BMPR1B: variants seen among roughly 807,000 people sequenced by gnomAD.
BMPR1B encodes the protein bone morphogenetic protein receptor type 1B.
A neutral mutation model predicts 59.1 loss-of-function variants in BMPR1B; 12 were observed. The observed-to-expected ratio is 0.20, with a 90% confidence interval of 0.13 to 0.33. BMPR1B has a LOEUF of 0.33. Ranked by LOEUF, BMPR1B falls within the 10% of genes least tolerant of loss-of-function variation. The probability of loss-of-function intolerance (pLI) is 1.00; values close to 1 mark genes in which losing one functional copy is unlikely to be tolerated. For synonymous variants in BMPR1B, 237 were observed against 207.3 expected, an observed-to-expected ratio of 1.14 and a Z score of -1.23; for missense variants, 550 against 610.9, an observed-to-expected ratio of 0.90 and a Z score of 1.05.
At chr4:94,955,637 C>CTTCTTTTT (rs1553921395) in intron 2 of BMPR1B, among the ~76,000 whole-genome samples, 4 of 148,232 alleles carry the variant, frequency 2.7e-5, no homozygotes, top group Non-Finnish European at 5.9e-5. Context: ...ACATTTAATT[C>CTTCTTTTT]TTTTTTTTTA....
chr4:94,946,975 C>A (rs533745366), intron 2 of BMPR1B, among the ~76,000 whole-genome samples: 1 of 151,982 alleles, frequency 6.6e-6, no homozygotes, highest in Non-Finnish European at 1.5e-5. Context: ...TCGCCTGAAC[C>A]GGGGAGGCAG....
rs747757463 is a variant in BMPR1B at position 95,157,533 on chromosome 4, C to T, written c.*2860C>T. Reference sequence around the variant, plus strand: ...CTAAGAAGAGTTTCTTCTAACCCCTCCCTCTCAAAGGAATCCTAAATTATT... The same window carrying T: ...CTAAGAAGAGTTTCTTCTAACCCCTTCCTCTCAAAGGAATCCTAAATTATT... On this transcript the variant is annotated 3_prime_UTR_variant, in exon 13 of 13. Coordinates refer to ENST00000515059, the MANE Select transcript of BMPR1B (RefSeq NM_001203.3). 3.3e-5 allele frequency: 5 copies of T among 151,858 alleles called. No homozygotes were observed. The highest frequency in any genetic ancestry group is 3.3e-4 in the Admixed American group (5 of 15,228). The allele number at this position is 151,858 out of a possible 1,614,324, so 9.4% of individuals were successfully genotyped here.
intron 10 of BMPR1B, among the ~76,000 whole-genome samples, chr4:95,132,902 C>G (rs1406706974): frequency 6.6e-6 from 1 of 152,152 alleles, no homozygotes. Context: ...AGTGTCCAAA[C>G]CTTTCTTTCT....
chr4:95,111,634 A>G (rs1177525680), intron 4 of BMPR1B, among the ~76,000 whole-genome samples: 7 of 152,208 alleles, frequency 4.6e-5, no homozygotes, highest in Non-Finnish European at 7.4e-5. Flanking sequence ...TAAAAAGAGT[A>G]TCGCTTGGTC....
At chr4:94,993,622 A>G (rs1199167973) in intron 2 of BMPR1B, among the ~76,000 whole-genome samples, 1 of 151,898 alleles carries the variant, frequency 6.6e-6, no homozygotes, top group Admixed American at 6.6e-5. Context: ...TTAGTCAGGT[A>G]TGGTGGCACA....
At chr4:94,840,821 T>G (rs1725029217) in intron 1 of BMPR1B, among the ~76,000 whole-genome samples, 1 of 148,694 alleles carries the variant, frequency 6.7e-6, no homozygotes, top group African/African-American at 2.5e-5. Context: ...TGCGTTCCTT[T>G]GGAGGAGGAG....
At chr4:94,874,137 G>T (rs1726618941) in intron 1 of BMPR1B, among the ~76,000 whole-genome samples, 1 of 152,042 alleles carries the variant, frequency 6.6e-6, no homozygotes, top group Non-Finnish European at 1.5e-5. Flanking sequence ...ATATATATGT[G>T]TGTATATATA....
chr4:94,994,078 T>C (rs1395966811), intron 2 of BMPR1B, among the ~76,000 whole-genome samples: 1 of 152,220 alleles, frequency 6.6e-6, no homozygotes, highest in Admixed American at 6.5e-5. Flanking sequence ...GGTGAAAATT[T>C]GTATATGTCA....
At chr4:95,022,216 T>C (rs1034373598) in intron 3 of BMPR1B, among the ~76,000 whole-genome samples, 1 of 152,160 alleles carries the variant, frequency 6.6e-6, no homozygotes, top group African/African-American at 2.4e-5. Context: ...CACCATATGG[T>C]TTTTAAAGGC....
At chr4:95,134,671 G>A (rs1482266171) in intron 10 of BMPR1B, among the ~76,000 whole-genome samples, 2 of 152,140 alleles carry the variant, frequency 1.3e-5, no homozygotes, top group African/African-American at 4.8e-5. Flanking sequence ...GTCTTCTTTT[G>A]AGAAGTGTCT....
chr4:95,129,835 C>A, intron 8 of BMPR1B, 27 bp from the exon 9 acceptor site: 1 of 1,609,480 alleles, frequency 6.2e-7, no homozygotes, highest in Non-Finnish European at 8.5e-7. Flanking sequence ...TGTGAATACA[C>A]TAACAGTGTG....
intron 3 of BMPR1B, among the ~76,000 whole-genome samples, chr4:95,076,442 G>A (rs1283243772): frequency 6.6e-6 from 1 of 152,080 alleles, no homozygotes; most frequent in Non-Finnish European, 1.5e-5. Context: ...GCATATGTGA[G>A]CCAGTTAACA....
intron 3 of BMPR1B, among the ~76,000 whole-genome samples, chr4:95,049,419 G>GTTTTTTTTTTTT (rs761496965): frequency 1.3e-5 from 1 of 77,402 alleles, no homozygotes; most frequent in African/African-American, 5.2e-5. Context: ...CAGCATAAAA[G>GTTTTTTTTTTTT]TTTTTTTTTT....
intron 2 of BMPR1B, among the ~76,000 whole-genome samples, chr4:94,914,185 A>G (rs1728393146): frequency 6.6e-6 from 1 of 152,112 alleles, no homozygotes; most frequent in South Asian, 2.1e-4. Flanking sequence ...GGATCTGGCA[A>G]TTGTTTTGAA....
chr4:94,846,396 A>C (rs1375954300), intron 1 of BMPR1B, among the ~76,000 whole-genome samples: 3 of 152,140 alleles, frequency 2.0e-5, no homozygotes, highest in Non-Finnish European at 4.4e-5. Context: ...GTTAAAGGAG[A>C]TTAACATTTG....
At chr4:94,884,288 G>A (rs1481238969) in intron 2 of BMPR1B, among the ~76,000 whole-genome samples, 1 of 152,204 alleles carries the variant, frequency 6.6e-6, no homozygotes, top group African/African-American at 2.4e-5. Flanking sequence ...CACTTTGGGA[G>A]GCTGAGATGA....
intron 6 of BMPR1B, among the ~76,000 whole-genome samples, chr4:95,117,232 A>G (rs1206649709): frequency 1.3e-5 from 2 of 152,228 alleles, no homozygotes; most frequent in Admixed American, 1.3e-4. Context: ...TAATCTGCTA[A>G]AAAGTACATT....
At chr4:94,841,379 T>C (rs553306430) in intron 1 of BMPR1B, among the ~76,000 whole-genome samples, 41 of 150,610 alleles carry the variant, frequency 2.7e-4, no homozygotes, top group African/African-American at 9.5e-4. Flanking sequence ...CGCCTTGCAG[T>C]TTGATCTCAG....
chr4:94,795,501 G>T (rs1723152227), intron 1 of BMPR1B, among the ~76,000 whole-genome samples: 1 of 151,898 alleles, frequency 6.6e-6, no homozygotes, highest in Admixed American at 6.6e-5. Context: ...GTCTCACTCT[G>T]TTGCTCAGGT....
Sources: allele counts gnomAD v4.1 joint callset (sites outside exome capture counted in the v4.1 genomes callset), GRCh38; gene constraint gnomAD v4.1.1; transcripts MANE v1.5; gene names NCBI Gene and HGNC (gene_info 2026-07-23, HGNC 2026-07-21).